Variants in HRH2 observed in about 807,000 individuals in gnomAD.
HRH2 encodes the protein histamine receptor H2.
A neutral mutation model predicts 20.1 loss-of-function variants in HRH2; 4 were observed. The ratio of observed to expected loss-of-function variants is 0.20; its 90% CI spans 0.10 to 0.45. The LOEUF (loss-of-function observed/expected upper bound fraction) is 0.45, where lower values mean the gene tolerates loss of function less well. Ranked by LOEUF, HRH2 falls within the 20% of genes least tolerant of loss-of-function variation. The probability of loss-of-function intolerance (pLI) is 0.99; values close to 1 mark genes in which losing one functional copy is unlikely to be tolerated. For synonymous variants in HRH2, 197 were observed against 200.7 expected (o/e 0.98, Z 0.16); for missense variants, 250 against 461.6 (o/e 0.54, Z 4.20).
intron 2 of HRH2, among the ~76,000 whole-genome samples, chr5:175,703,617 A>G (rs1756857602): frequency 6.6e-6 from 1 of 152,182 alleles, no homozygotes; most frequent in Non-Finnish European, 1.5e-5. Context: ...TAATGAGAAG[A>G]GCAACAAAAC....
At chr5:175,670,187 A>T (rs535463379) in intron 1 of HRH2, among the ~76,000 whole-genome samples, 1 of 152,268 alleles carries the variant, frequency 6.6e-6, no homozygotes, top group South Asian at 2.1e-4. Context: ...AATCCCAGCT[A>T]CTCAGGGAGC....
At chr5:175,668,918 G>A (rs371031505) in intron 1 of HRH2, among the ~76,000 whole-genome samples, 15 of 152,166 alleles carry the variant, frequency 9.9e-5, no homozygotes, top group East Asian at 5.8e-4. Flanking sequence ...GCAGAATCAC[G>A]GAACAAAGTG....
In HRH2 at chr5:175,709,390, T is replaced by C. The variant is rs1383963067; in HGVS notation, c.*1419T>C. On this transcript the variant is annotated 3_prime_UTR_variant, in exon 3 of 3. Coordinates refer to ENST00000636584, the MANE Select transcript of HRH2 (RefSeq NM_001367711.1). ...CAAGGCACGAGGTTTGGTTATGAAA[T>C]CACTCACAGATTTATAACTGCAGGC... The C allele has an allele frequency of 6.6e-6, 1 of 152,222 alleles. No individual in the cohort carries two copies. Among genetic ancestry groups the C allele is most frequent in the Non-Finnish European group, 1.5e-5 (1 of 68,056 alleles). 9.4% of individuals were successfully genotyped at this position (152,222 alleles called of 1,614,324 possible).
At chr5:175,659,016 G>A (rs922860370) in intron 1 of HRH2, among the ~76,000 whole-genome samples, 4 of 152,298 alleles carry the variant, frequency 2.6e-5, no homozygotes, top group Non-Finnish European at 4.4e-5. Flanking sequence ...TCCTGGAGGC[G>A]GTTGCCTCTT....
At chr5:175,701,827 CACTT>C (rs932903420) in intron 2 of HRH2, among the ~76,000 whole-genome samples, 17 of 152,228 alleles carry the variant, frequency 1.1e-4, no homozygotes, top group African/African-American at 2.7e-4. Context: ...TTCTCACAAA[CACTT>C]ACTGCTCGGC....
chr5:175,680,950 G>A (rs75038184), intron 1 of HRH2, among the ~76,000 whole-genome samples: 1,682 of 152,178 alleles, frequency 0.011, 32 homozygotes, highest in African/African-American at 0.038. Context: ...AAGGAGGGGC[G>A]GGAGAGGAGA....
chr5:175,702,910 T>G (rs1017407460), intron 2 of HRH2, among the ~76,000 whole-genome samples: 1 of 152,088 alleles, frequency 6.6e-6, no homozygotes, highest in Non-Finnish European at 1.5e-5. Flanking sequence ...CATATTTTGA[T>G]AAACAGTTCA....
chr5:175,666,915 C>A (rs1561719781), intron 1 of HRH2, among the ~76,000 whole-genome samples: 1 of 152,050 alleles, frequency 6.6e-6, no homozygotes, highest in Non-Finnish European at 1.5e-5. Context: ...CTCACTGCAC[C>A]CTGGCCACCG....
rs1233359615 is a variant in HRH2, at chr5:175,708,512, G to A, written c.*541G>A. 1 of 152,384 alleles carries A rather than the reference G, an allele frequency of 6.6e-6. No homozygotes were observed. The highest frequency in any genetic ancestry group is 2.4e-5 in the African/African-American group (1 of 41,430). 9.4% of individuals were successfully genotyped at this position (152,384 alleles called of 1,614,324 possible). A position where few individuals can be genotyped will look rare whatever the true frequency, so the allele number is the denominator to read the frequency against. ...ACCCTTATAGCAACATGAGTTTAGA[G>A]CAAGAATCACACCCCGACTTTACAG... On this transcript the variant is annotated 3_prime_UTR_variant, in exon 3 of 3. Transcript: ENST00000636584.
At chr5:175,695,623 C>A (rs1756548913) in intron 2 of HRH2, among the ~76,000 whole-genome samples, 1 of 152,244 alleles carries the variant, frequency 6.6e-6, no homozygotes, top group Non-Finnish European at 1.5e-5. Flanking sequence ...CACTTCCCCT[C>A]ACTGTTTTCT....
At chr5:175,676,508 A>G (rs1226002911) in intron 1 of HRH2, among the ~76,000 whole-genome samples, 1 of 152,330 alleles carries the variant, frequency 6.6e-6, no homozygotes, top group African/African-American at 2.4e-5. Flanking sequence ...CCCCTGCCCC[A>G]GGGCTCGTCT....
chr5:175,674,474 G>A (rs1164928004), intron 1 of HRH2, among the ~76,000 whole-genome samples: 1 of 151,960 alleles, frequency 6.6e-6, no homozygotes, highest in Non-Finnish European at 1.5e-5. Flanking sequence ...CCTAGGGGAT[G>A]ACACTCATCA....
intron 2 of HRH2, among the ~76,000 whole-genome samples, chr5:175,698,168 A>C (rs1756667972): frequency 6.6e-6 from 1 of 152,262 alleles, no homozygotes; most frequent in African/African-American, 2.4e-5. Context: ...CGTTATGCAC[A>C]CATGCAGTTT....
At chr5:175,662,348 C>A (rs1238221274) in intron 1 of HRH2, among the ~76,000 whole-genome samples, 2 of 152,292 alleles carry the variant, frequency 1.3e-5, no homozygotes, top group East Asian at 3.9e-4. Context: ...AGGGGGAGTG[C>A]TGGCGTCTAG....
chr5:175,692,393 A>G (rs866325816), intron 2 of HRH2, among the ~76,000 whole-genome samples: 3 of 152,346 alleles, frequency 2.0e-5, no homozygotes, highest in Middle Eastern at 3.4e-3. Flanking sequence ...TCATTTGCCA[A>G]CCCTGGCGTG....
At chr5:175,678,567 C>T (rs917604895) in intron 1 of HRH2, among the ~76,000 whole-genome samples, 1 of 152,256 alleles carries the variant, frequency 6.6e-6, no homozygotes, top group African/African-American at 2.4e-5. Context: ...CCCGGCGGCT[C>T]CCCTTGACTC....
intron 2 of HRH2, among the ~76,000 whole-genome samples, chr5:175,695,367 C>T (rs532324266): frequency 4.8e-4 from 73 of 152,160 alleles, no homozygotes; most frequent in African/African-American, 1.5e-3. Flanking sequence ...ATTAAAGGAG[C>T]GAATAATATA....
Position 175,677,889 on chromosome 5 carries a change from C to T in HRH2, c.-525-4820C>T, listed in dbSNP as rs139858607. Among the ~76,000 whole-genome samples, 80 of 152,314 alleles carry T rather than the reference C, an allele frequency of 5.3e-4. No homozygotes were observed. The East Asian group carries it at 9.1e-3, about 17-fold the overall frequency. ...ATCACATCACCCTCTGCTCGAACTT[C>T]CCCTCCACCTGCCGGAGGCGTCTCA... On this transcript the variant is annotated intron_variant, in intron 1 of 2. Coordinates refer to ENST00000636584, the MANE Select transcript of HRH2 (RefSeq NM_001367711.1). This position sits in a 1 kb window ranked among gnomAD's most constrained non-coding sequence, Gnocchi z 4.2.
At position 175,677,885 on chromosome 5, in the gene HRH2, A is replaced by G. The variant is rs145732265; in HGVS notation, c.-525-4824A>G. Among the ~76,000 whole-genome samples the G allele has an allele frequency of 8.9e-4, 136 of 152,138 alleles. No individual in the cohort carries two copies. Among genetic ancestry groups the G allele is most frequent in the African/African-American group, 3.2e-3 (134 of 41,514 alleles). On this transcript the variant is annotated intron_variant, in intron 1 of 2. Coordinates refer to ENST00000636584, the MANE Select transcript of HRH2 (RefSeq NM_001367711.1). This position sits in a 1 kb window ranked among gnomAD's most constrained non-coding sequence, Gnocchi z 4.2. The stretch of plus-strand genomic sequence containing the variant: ...TCCAATCACATCACCCTCTGCTCGA[A>G]CTTCCCCTCCACCTGCCGGAGGCGT...
Sources: gnomAD v4.1 joint callset for allele counts (sites outside exome capture counted in the v4.1 genomes callset) on GRCh38, gnomAD v4.1.1 for gene constraint, Gnocchi (gnomAD v3.1) non-coding constraint, MANE v1.5 for transcripts, NCBI Gene and HGNC (gene_info 2026-07-23, HGNC 2026-07-21) for gene names.